IGSF9: variants seen among roughly 807,000 people sequenced by gnomAD.
The protein encoded by IGSF9 is immunoglobulin superfamily member 9, also known as protein turtle homolog A.
In IGSF9, 87 loss-of-function variants were observed where a neutral mutation model predicts 121.7. That is an observed-to-expected ratio of 0.71 (90% CI 0.60 to 0.85). The LOEUF (loss-of-function observed/expected upper bound fraction) is 0.85. IGSF9 is among the 40% of genes least tolerant of loss of function. The probability of loss-of-function intolerance (pLI) is 0.00; values close to 1 mark genes in which losing one functional copy is unlikely to be tolerated. For synonymous variants in IGSF9, 640 were observed against 648.4 expected, an observed-to-expected ratio of 0.99 and a Z score of 0.20; for missense variants, 1,462 against 1,565.3, an observed-to-expected ratio of 0.93 and a Z score of 1.11.
At position 159,927,394 on chromosome 1, in the gene IGSF9, G is replaced by A. The variant is rs369742399; in HGVS notation, c.3491C>T (p.Pro1164Leu). ...GTGGGGGACTGGCTGTCGATAGGCT[G>A]GTAGCCGAGCCCTAGTAGCATCTCG... ...RRRDATRARLPAYRQPVPHPE... is the reference protein window; with the variant it reads ...RRRDATRARLLAYRQPVPHPE... Residue 1164 changes from proline (P) to leucine (L), a missense_variant, in exon 21 of 21, where the codon CCA becomes CTA. Around this residue, in one of 3 missense-constraint regions of IGSF9, gnomAD observed 808 missense variants for 815.2 expected, o/e 0.99. Transcript: ENST00000368094. The A allele has an allele frequency of 1.9e-6, 3 of 1,613,832 alleles. No individual in the cohort carries two copies. In the South Asian group the frequency reaches 3.3e-5, roughly 18 times the overall value.
Position 159,929,873 on chromosome 1 carries a change from C to G in IGSF9, c.2149+18G>C. 6.3e-7 allele frequency: 1 copy of G among 1,578,480 alleles called. No individual in the cohort carries two copies. Among genetic ancestry groups the G allele is most frequent in the Non-Finnish European group, 8.6e-7 (1 of 1,162,886 alleles). On this transcript the variant is annotated intron_variant, in intron 16 of 20. Transcript: ENST00000368094. ...CTCGGAGCAGCCCTGGGGCTCCTCC[C>G]TCACGCCAGGTGCTCACCGGAAGTG...
chr1:159,936,677 T>C (rs1651198355), intron 5 of IGSF9, 77 bp downstream of exon 5: 8 of 1,572,120 alleles, frequency 5.1e-6, no homozygotes, highest in Non-Finnish European at 6.9e-6. Context: ...GCCTCCTCTG[T>C]CCTCTGGCCC....
At position 159,930,365 on chromosome 1, in the gene IGSF9, G is replaced by C. The variant is rs1372466563; in HGVS notation, c.1888C>G (p.Leu630Val). 3.1e-6 allele frequency: 5 copies of C among 1,601,058 alleles called. No homozygotes were observed. The African/African-American group carries it at 5.4e-5, about 17-fold the overall frequency. Residue 630 changes from leucine (L) to valine (V), a missense_variant, in exon 15 of 21, where the codon CTG becomes GTG. Transcript: ENST00000368094. ...IPPPLSPPRG[L>V]VAVRTPRGVL... is the part of the protein sequence containing the mutation. ...CCCCGGGGTGTCCTCACTGCCACCA[G>C]ACCCCGCGGAGGGGACAGGGGAGGC...
At position 159,930,827 on chromosome 1, in the gene IGSF9, A is replaced by G; in HGVS notation, c.1678T>C (p.Leu560=). ...TGAGCAGCCCCCACAGGCACTGCCA[A>G]GGACACCCAGTCATGGTGCATTCGG... ...PDRMHHDWVS[L]AVPVGAAHLL... is the part of the protein sequence containing the mutation. The change falls in exon 14 of 21, where the codon TTG becomes CTG. Residue 560 remains leucine, a synonymous_variant. Transcript: ENST00000368094. The G allele has an allele frequency of 6.2e-7, 1 of 1,613,164 alleles. No individual in the cohort carries two copies. Among genetic ancestry groups the G allele is most frequent in the Non-Finnish European group, 8.5e-7 (1 of 1,179,564 alleles).
Position 159,931,723 on chromosome 1 carries a change from C to T in IGSF9, c.1362+89G>A. 1 of 1,483,550 alleles carries T rather than the reference C, an allele frequency of 6.7e-7. No individual in the cohort carries two copies. Among genetic ancestry groups the T allele is most frequent in the Non-Finnish European group, 9.2e-7 (1 of 1,085,948 alleles). 91.9% of individuals were successfully genotyped at this position (1,483,550 alleles called of 1,614,324 possible). A position where few individuals can be genotyped will look rare whatever the true frequency, so the allele number is the denominator to read the frequency against. ...CTGCCTCTGACAGCCTTCTCCTTCC[C>T]ACACCCTCCCTCCCACAAAATGGCT... On this transcript the variant is annotated intron_variant, in intron 11 of 20. Transcript: ENST00000368094. The surrounding 1 kb of genome is among the most constrained non-coding windows in gnomAD (Gnocchi z 4.8).
chr1:159,940,165 G>T (rs1281764373), intron 3 of IGSF9, among the ~76,000 whole-genome samples: 1 of 152,240 alleles, frequency 6.6e-6, no homozygotes, highest in African/African-American at 2.4e-5. Flanking sequence ...GACAAAGCCA[G>T]GCTTCTTTCT....
chr1:159,934,287 A>G lies in IGSF9; in HGVS notation c.1007T>C (p.Ile336Thr), dbSNP rs966799524. ...TAMPPETPLP[I>T]GMPGVIRCPV... The stretch of plus-strand genomic sequence containing the variant: ...GCAGCGGATCACCCCCGGCATGCCT[A>G]TGGGCAGGGGTGTCTCAGGAGGCAT... The change falls in exon 9 of 21, where the codon ATA becomes ACA. Residue 336 changes from isoleucine (I) to threonine (T), a missense_variant. Around this residue, in one of 3 missense-constraint regions of IGSF9, gnomAD observed 558 missense variants for 599.4 expected, o/e 0.93. Coordinates refer to ENST00000368094, the MANE Select transcript of IGSF9 (RefSeq NM_001135050.2). The G allele has an allele frequency of 6.8e-6, 11 of 1,611,938 alleles. No homozygotes were observed. Among genetic ancestry groups the G allele is most frequent in the Admixed American group, 1.7e-5 (1 of 59,764 alleles).
In IGSF9 at chr1:159,937,807, G is replaced by A; in HGVS notation, c.279C>T (p.Leu93=). Residue 93 remains leucine, a synonymous_variant, in exon 4 of 21, where the codon CTC becomes CTT. Coordinates refer to ENST00000368094, the MANE Select transcript of IGSF9 (RefSeq NM_001135050.2). ...GRVRLQKGAS[L]QIEGLRVEDQ... ...CTTCCACCCGGAGACCCTCAATCTG[G>A]AGAGAGGCCCCCTTCTGCAGCCGGA... is the stretch of plus-strand genomic sequence containing the variant. 1.9e-6 allele frequency: 3 copies of A among 1,614,048 alleles called. No individual in the cohort carries two copies. In the South Asian group the frequency reaches 3.3e-5, roughly 18 times the overall value.
Position 159,943,053 on chromosome 1 carries a change from G to C in IGSF9, c.157C>G (p.His53Asp). ...LLPPAGRPPLHVIEWLRFGFL... is the reference protein window; with the variant it reads ...LLPPAGRPPLDVIEWLRFGFL... ...CCAAAGCGCAGCCACTCGATGACAT[G>C]CAGGGGGGGCCGGCCGGCCGGGGGC... is the stretch of plus-strand genomic sequence containing the variant. Residue 53 changes from histidine (H) to aspartate (D), a missense_variant, in exon 3 of 21, where the codon CAT becomes GAT. Physicochemically the swap from His to Asp is moderately conservative, Grantham distance 81. Around this residue, in one of 3 missense-constraint regions of IGSF9, gnomAD observed 558 missense variants for 599.4 expected, o/e 0.93. Transcript: ENST00000368094. 1 of 1,613,368 alleles carries C rather than the reference G, an allele frequency of 6.2e-7. No individual in the cohort carries two copies. Among genetic ancestry groups the C allele is most frequent in the Non-Finnish European group, 8.5e-7 (1 of 1,179,664 alleles).
chr1:159,945,248 G>A (rs766450249), intron 1 of IGSF9, among the ~76,000 whole-genome samples: 26 of 150,606 alleles, frequency 1.7e-4, no homozygotes, highest in Non-Finnish European at 3.5e-4. Context: ...CCCTCCCTGG[G>A]ATTCTCCTGC....
Position 159,931,523 on chromosome 1 carries a change from G to C in IGSF9, c.1443C>G (p.His481Gln), listed in dbSNP as rs557096429. Reference protein sequence around the residue: ...LILRPLTKEAHGHWECSASNA... With the variant: ...LILRPLTKEAQGHWECSASNA... ...TGCTGGCACTGCATTCCCAGTGCCC[G>C]TGGGCCTCCTTGGTCAATGGTCGCA... The change falls in exon 12 of 21, where the codon CAC becomes CAG. Residue 481 changes from histidine (H) to glutamine (Q), a missense_variant. His to Gln is a conservative substitution (Grantham distance 24, BLOSUM62 0). Around this residue, in one of 3 missense-constraint regions of IGSF9, gnomAD observed 96 missense variants for 150.7 expected, o/e 0.64. Coordinates refer to ENST00000368094, the MANE Select transcript of IGSF9 (RefSeq NM_001135050.2). This position sits in a 1 kb window ranked among gnomAD's most constrained non-coding sequence, Gnocchi z 4.8. The C allele has an allele frequency of 6.2e-7, 1 of 1,614,136 alleles. No individual in the cohort carries two copies. Among genetic ancestry groups the C allele is most frequent in the Admixed American group, 1.7e-5 (1 of 60,022 alleles).
At position 159,936,861 on chromosome 1, in the gene IGSF9, C is replaced by A; in HGVS notation, c.448G>T (p.Glu150Ter). The change falls in exon 5 of 21, where the codon GAA becomes TAA. Residue 150 changes from glutamate (E) to a stop codon, truncating the protein, a stop_gained. Transcript: ENST00000368094. LOFTEE classifies it high-confidence loss of function. Reference protein sequence around the residue: ...ETPPAVLEVQELEPVTLRCVA... With the variant: ...ETPPAVLEVQ ...CAACGCAGGGTCACAGGCTCCAGTT[C>A]CTGCACTTCCAACACAGCAGGAGGT... 1 of 1,614,246 alleles carries A rather than the reference C, an allele frequency of 6.2e-7. No individual in the cohort carries two copies. The highest frequency in any genetic ancestry group is 1.1e-5 in the South Asian group (1 of 91,092).
At chr1:159,938,855 A>C (rs1350983091) in intron 3 of IGSF9, among the ~76,000 whole-genome samples, 1 of 152,148 alleles carries the variant, frequency 6.6e-6, no homozygotes, top group Non-Finnish European at 1.5e-5. Flanking sequence ...TGGATGCTCA[A>C]ATAAAAGTTG....
At position 159,931,084 on chromosome 1, in the gene IGSF9, G is replaced by A; in HGVS notation, c.1637+54C>T. Reference sequence around the variant, plus strand: ...CAGAAGGCCAGATAGGTTCAAGGAGGAGAGGAAAGGAGGCAAGATTGGCAC... The same window carrying A: ...CAGAAGGCCAGATAGGTTCAAGGAGAAGAGGAAAGGAGGCAAGATTGGCAC... On this transcript the variant is annotated intron_variant, in intron 13 of 20. Coordinates refer to ENST00000368094, the MANE Select transcript of IGSF9 (RefSeq NM_001135050.2). This position sits in a 1 kb window ranked among gnomAD's most constrained non-coding sequence, Gnocchi z 4.8. 3.7e-6 allele frequency: 6 copies of A among 1,612,598 alleles called. No homozygotes were observed. Among genetic ancestry groups the A allele is most frequent in the Non-Finnish European group, 5.1e-6 (6 of 1,178,972 alleles).
At position 159,929,397 on chromosome 1, in the gene IGSF9, G is replaced by C. The variant is rs1044046623; in HGVS notation, c.2327-4C>G. ...GGAGAGAAGATAAGAGGTGGATCTG[G>C]AAGGGCATGAGAATAGTAGGTGACA... On this transcript the variant is annotated splice_region_variant and splice_polypyrimidine_tract_variant and intron_variant, in intron 17 of 20. Coordinates refer to ENST00000368094, the MANE Select transcript of IGSF9 (RefSeq NM_001135050.2). The C allele has an allele frequency of 1.9e-6, 3 of 1,614,014 alleles. No individual in the cohort carries two copies. The highest frequency in any genetic ancestry group is 2.7e-5 in the African/African-American group (2 of 74,918).
At chr1:159,943,338 C>T in intron 2 of IGSF9, 59 bp downstream of exon 2, 1 of 1,450,898 alleles carries the variant, frequency 6.9e-7, no homozygotes. Context: ...CCTTGAGGAA[C>T]ACCCCCATAC....
rs577828416 is a variant in IGSF9, at chr1:159,936,580, G to C, written c.556-64C>G. 7.5e-4 allele frequency: 1,174 copies of C among 1,562,932 alleles called. 3 individuals carry two copies. Among genetic ancestry groups the C allele is most frequent in the Admixed American group, 1.6e-3 (92 of 57,848 alleles). Reference sequence around the variant, plus strand: ...CCAGCCTCAGATCCTGCACTTCCGAGTTTGGCCAGCAGAGGGAGGCAGCAC... The same window carrying C: ...CCAGCCTCAGATCCTGCACTTCCGACTTTGGCCAGCAGAGGGAGGCAGCAC... On this transcript the variant is annotated intron_variant, in intron 5 of 20. Coordinates refer to ENST00000368094, the MANE Select transcript of IGSF9 (RefSeq NM_001135050.2).
Position 159,936,884 on chromosome 1 carries a change from G to C in IGSF9, c.425C>G (p.Pro142Arg). Residue 142 changes from proline (P) to arginine (R), a missense_variant, in exon 5 of 21, where the codon CCT becomes CGT. Pro to Arg is a moderately radical substitution (Grantham distance 103). Coordinates refer to ENST00000368094, the MANE Select transcript of IGSF9 (RefSeq NM_001135050.2). ...TTCCTGCACTTCCAACACAGCAGGA[G>C]GTGTCTCCTGGAATTGAGGGGGTGC... The part of the protein sequence containing the change: ...VNSPPQFQET[P>R]PAVLEVQELE... 6.2e-7 allele frequency: 1 copy of C among 1,614,226 alleles called. No homozygotes were observed. Among genetic ancestry groups the C allele is most frequent in the Non-Finnish European group, 8.5e-7 (1 of 1,180,022 alleles).
rs1394896984 is a variant in IGSF9 at position 159,930,787 on chromosome 1, C to T, written c.1718G>A (p.Gly573Glu). The T allele has an allele frequency of 2.5e-6, 4 of 1,614,104 alleles. No individual in the cohort carries two copies. The highest frequency in any genetic ancestry group is 3.4e-6 in the Non-Finnish European group (4 of 1,179,986). The stretch of plus-strand genomic sequence containing the variant: ...CTGGTACTGGGTGTGGGGCTGCAGC[C>T]CTGGCACTAGGAGGTGAGCAGCCCC... ...PVGAAHLLVP[G>E]LQPHTQYQFS... The change falls in exon 14 of 21, where the codon GGG becomes GAG. Residue 573 changes from glycine (G) to glutamate (E), a missense_variant. By Grantham distance (98) the Gly-to-Glu change is moderately conservative. Coordinates refer to ENST00000368094, the MANE Select transcript of IGSF9 (RefSeq NM_001135050.2).
Sources: allele counts gnomAD v4.1 joint callset (sites outside exome capture counted in the v4.1 genomes callset), GRCh38; gene constraint gnomAD v4.1.1; regional missense constraint gnomAD v4.1.1; non-coding constraint Gnocchi (gnomAD v3.1); transcripts MANE v1.5; gene names NCBI Gene and HGNC (gene_info 2026-07-23, HGNC 2026-07-21).